Variants in EPHB2 observed in about 807,000 individuals in gnomAD.
EPHB2 encodes ephrin type-B receptor 2.
EPHB2 carries 18 observed loss-of-function variants against 96.4 expected under a neutral mutation model. The ratio of observed to expected loss-of-function variants is 0.19; its 90% CI spans 0.13 to 0.28. The LOEUF is 0.28. Among genes scored for constraint, EPHB2 ranks in the 10% least tolerant of loss-of-function variants. The pLI is 1.00. For missense variants in EPHB2, 989 were observed against 1,355.4 expected, an observed-to-expected ratio of 0.73 and a Z score of 4.25; for synonymous variants, 506 against 534.1, an observed-to-expected ratio of 0.95 and a Z score of 0.72.
chr1:22,774,887 G>T lies in EPHB2; in HGVS notation c.62-6534G>T, dbSNP rs563105835. Among the ~76,000 whole-genome samples the T allele has an allele frequency of 2.6e-5, 4 of 152,272 alleles. No individual in the cohort carries two copies. In the South Asian group the frequency reaches 8.3e-4, roughly 32 times the overall value. On this transcript the variant is annotated intron_variant, in intron 1 of 15. Coordinates refer to ENST00000374630, the MANE Select transcript of EPHB2 (RefSeq NM_017449.5). ...GCCCTGGGAGACATCAGAAGAACAG[G>T]ATTCACCTACATGGTGTCATTTAAT...
chr1:22,778,161 G>A (rs1356113104), intron 1 of EPHB2, among the ~76,000 whole-genome samples: 1 of 152,180 alleles, frequency 6.6e-6, no homozygotes, highest in African/African-American at 2.4e-5. Context: ...GGGTAGCTGG[G>A]ATTACAGGTG....
intron 5 of EPHB2, among the ~76,000 whole-genome samples, chr1:22,880,858 C>T (rs1334899012): frequency 6.6e-6 from 1 of 152,204 alleles, no homozygotes; most frequent in Non-Finnish European, 1.5e-5. Context: ...GACAGCAGGC[C>T]GGATGCATTA....
At chr1:22,853,613 G>A (rs980140654) in intron 3 of EPHB2, among the ~76,000 whole-genome samples, 2 of 152,264 alleles carry the variant, frequency 1.3e-5, no homozygotes, top group African/African-American at 4.8e-5. Context: ...ACAAGAAGGA[G>A]CTGGGTGGGA....
At chr1:22,772,066 C>A (rs1370344707) in intron 1 of EPHB2, among the ~76,000 whole-genome samples, 5 of 151,276 alleles carry the variant, frequency 3.3e-5, no homozygotes, top group Non-Finnish European at 7.4e-5. Context: ...TTACCACCCA[C>A]CCCACCCCCA....
At chr1:22,894,666 G>A (rs537445226) in intron 7 of EPHB2, among the ~76,000 whole-genome samples, 7 of 152,142 alleles carry the variant, frequency 4.6e-5, no homozygotes, top group African/African-American at 1.2e-4. Context: ...ATTGAGTGGT[G>A]GTTTCCAAGA....
rs767761255 is a variant in EPHB2, at chr1:22,909,016, T to C, written c.2353-6T>C. 1 of 1,614,086 alleles carries C rather than the reference T, an allele frequency of 6.2e-7. No individual in the cohort carries two copies. Among genetic ancestry groups the C allele is most frequent in the Non-Finnish European group, 8.5e-7 (1 of 1,180,002 alleles). The stretch of plus-strand genomic sequence containing the variant: ...ACCCACAAACCCTCCTCTTTCTGTC[T>C]CCCAGGGCGGAAAGATCCCCATCCG... On this transcript the variant is annotated splice_region_variant and splice_polypyrimidine_tract_variant and intron_variant, in intron 12 of 15. Transcript: ENST00000374630.
At chr1:22,893,825 A>T (rs1639468096) in intron 7 of EPHB2, among the ~76,000 whole-genome samples, 3 of 152,182 alleles carry the variant, frequency 2.0e-5, no homozygotes, top group African/African-American at 7.2e-5. Context: ...GCATTTCAGC[A>T]CTCACCAGAT....
intron 5 of EPHB2, among the ~76,000 whole-genome samples, chr1:22,873,293 C>T (rs145350270): frequency 1.8e-3 from 272 of 152,262 alleles, no homozygotes; most frequent in Admixed American, 4.6e-3. Flanking sequence ...GACTGCTGTC[C>T]ACTGGTCTGG....
At chr1:22,803,304 C>A (rs1239691238) in intron 3 of EPHB2, among the ~76,000 whole-genome samples, 2 of 152,110 alleles carry the variant, frequency 1.3e-5, no homozygotes, top group African/African-American at 4.8e-5. Flanking sequence ...TGTTCAGGAT[C>A]TTCTGTAAGA....
intron 3 of EPHB2, among the ~76,000 whole-genome samples, chr1:22,792,591 ATCCATCCATCTG>A (rs1449507293): frequency 6.6e-6 from 1 of 152,052 alleles, no homozygotes; most frequent in Non-Finnish European, 1.5e-5. Context: ...CCATCCATCC[ATCCATCCATCTG>A]TCCATGATAC....
At chr1:22,877,641 G>T (rs1355672875) in intron 5 of EPHB2, among the ~76,000 whole-genome samples, 2 of 152,126 alleles carry the variant, frequency 1.3e-5, no homozygotes, top group South Asian at 2.1e-4. Context: ...AGGCAGGTGA[G>T]GGGGGCAGGC....
intron 1 of EPHB2, among the ~76,000 whole-genome samples, chr1:22,757,259 C>A (rs1449859937): frequency 6.6e-6 from 1 of 151,948 alleles, no homozygotes; most frequent in East Asian, 1.9e-4. Flanking sequence ...CCGAGAGACC[C>A]CAGCCTCACT....
intron 3 of EPHB2, among the ~76,000 whole-genome samples, chr1:22,827,049 G>A (rs1260900793): frequency 6.6e-6 from 1 of 152,184 alleles, no homozygotes; most frequent in Non-Finnish European, 1.5e-5. Context: ...AATGAGTATG[G>A]AATCCAGAGC....
chr1:22,807,560 C>T (rs1414429105), intron 3 of EPHB2, among the ~76,000 whole-genome samples: 1 of 152,160 alleles, frequency 6.6e-6, no homozygotes, highest in Non-Finnish European at 1.5e-5. Context: ...CAGCCTCTAC[C>T]CCCATGGTCT....
chr1:22,711,765 A>G (rs2148326467), intron 1 of EPHB2, among the ~76,000 whole-genome samples: 1 of 151,632 alleles, frequency 6.6e-6, no homozygotes, highest in South Asian at 2.1e-4. Context: ...AGCCCCGGGA[A>G]CTCTCCAGCT....
intron 1 of EPHB2, among the ~76,000 whole-genome samples, chr1:22,748,311 C>T (rs1251567323): frequency 2.0e-5 from 3 of 151,964 alleles, no homozygotes; most frequent in African/African-American, 4.8e-5. Context: ...TCAGAGCAAA[C>T]GTTGTTTCCT....
At chr1:22,799,900 T>C (rs1644818305) in intron 3 of EPHB2, among the ~76,000 whole-genome samples, 1 of 152,216 alleles carries the variant, frequency 6.6e-6, no homozygotes, top group East Asian at 1.9e-4. Context: ...TACTGGCTCC[T>C]TCTAGGAAAC....
In EPHB2 at chr1:22,748,377, C is replaced by CT. The variant is rs372352422; in HGVS notation, c.62-33031dup. Among the ~76,000 whole-genome samples the CT allele has an allele frequency of 2.7e-3, 389 of 143,122 alleles. 1 individual carries two copies. The highest frequency in any genetic ancestry group is 0.011 in the Middle Eastern group (3 of 276). The allele number at this position is 143,122 out of a possible 152,430, so 93.9% of individuals were successfully genotyped here. A position where few individuals can be genotyped will look rare whatever the true frequency, so the allele number is the denominator to read the frequency against. ...TTACCTCAAGGGGGCTTTCTGGGTCCTTTTTTTTTTTTTCTTTTTTTTGAG... is the reference window on the plus strand; with the variant it reads ...TTACCTCAAGGGGGCTTTCTGGGTCCTTTTTTTTTTTTTTCTTTTTTTTGAG... On this transcript the variant is annotated intron_variant, in intron 1 of 15. Coordinates refer to ENST00000374630, the MANE Select transcript of EPHB2 (RefSeq NM_017449.5).
chr1:22,910,697 G>T, intron 14 of EPHB2, 122 bp downstream of exon 14: 2 of 1,303,824 alleles, frequency 1.5e-6, no homozygotes, highest in African/African-American at 1.5e-5. Flanking sequence ...GGAAGGACAG[G>T]ACTAGTGTTT....
Sources: allele counts gnomAD v4.1 joint callset (sites outside exome capture counted in the v4.1 genomes callset), GRCh38; gene constraint gnomAD v4.1.1; transcripts MANE v1.5; gene names NCBI Gene and HGNC (gene_info 2026-07-23, HGNC 2026-07-21).